TRDN: variants seen among roughly 807,000 people sequenced by gnomAD.
TRDN encodes triadin.
A neutral mutation model predicts 149.7 loss-of-function variants in TRDN; 161 were observed. The ratio of observed to expected loss-of-function variants is 1.08; its 90% CI spans 0.95 to 1.23. The LOEUF (loss-of-function observed/expected upper bound fraction) is 1.23. Ranked by LOEUF, TRDN falls within the 50% of genes most tolerant of loss-of-function variation. The probability of loss-of-function intolerance (pLI) is 0.00; values close to 1 mark genes in which losing one functional copy is unlikely to be tolerated. For missense variants in TRDN, 896 were observed against 823.5 expected, an observed-to-expected ratio of 1.09 and a Z score of -1.08; for synonymous variants, 294 against 250.5, an observed-to-expected ratio of 1.17 and a Z score of -1.64.
intron 24 of TRDN, among the ~76,000 whole-genome samples, chr6:123,292,107 T>C (rs1778031082): frequency 6.6e-6 from 1 of 152,198 alleles, no homozygotes; most frequent in Non-Finnish European, 1.5e-5. Context: ...CTTCGGCCCA[T>C]GGATCTTGAT....
At chr6:123,507,897 A>C (rs1779001131) in intron 7 of TRDN, among the ~76,000 whole-genome samples, 1 of 152,124 alleles carries the variant, frequency 6.6e-6, no homozygotes, top group African/African-American at 2.4e-5. Context: ...AACATACTAC[A>C]CATGTTGGGA....
At position 123,529,308 on chromosome 6, in the gene TRDN, A is replaced by G. The variant is rs1471222654; in HGVS notation, c.484+1198T>C. Reference sequence around the variant, plus strand: ...GTGTCCAACTTCTGTGATCAAAGGAATTAAGAACCGAAAAAAGGAAAGAGA... The same window carrying G: ...GTGTCCAACTTCTGTGATCAAAGGAGTTAAGAACCGAAAAAAGGAAAGAGA... On this transcript the variant is annotated intron_variant, in intron 5 of 40. Coordinates refer to ENST00000334268, the MANE Select transcript of TRDN (RefSeq NM_006073.4). The G allele has an allele frequency of 1.9e-6, 3 of 1,548,818 alleles. No homozygotes were observed. In the South Asian group the frequency reaches 3.6e-5, roughly 18 times the overall value.
chr6:123,508,405 GAACC>G (rs1302680952), intron 7 of TRDN, among the ~76,000 whole-genome samples: 7 of 152,080 alleles, frequency 4.6e-5, no homozygotes, highest in African/African-American at 1.7e-4. Context: ...AAATATACAT[GAACC>G]ATGTGAAAGC....
chr6:123,414,396 T>G (rs1773566210), intron 12 of TRDN, among the ~76,000 whole-genome samples: 1 of 152,122 alleles, frequency 6.6e-6, no homozygotes, highest in Non-Finnish European at 1.5e-5. Context: ...TGCCATGATA[T>G]TCTGAGATTC....
intron 1 of TRDN, among the ~76,000 whole-genome samples, chr6:123,571,541 A>G (rs1186659849): frequency 1.3e-5 from 2 of 152,140 alleles, no homozygotes; most frequent in Non-Finnish European, 2.9e-5. Context: ...CAGAAGATCT[A>G]AGATAATGAT....
intron 33 of TRDN, 73 bp downstream of exon 33, chr6:123,265,245 T>C: frequency 8.6e-7 from 1 of 1,161,494 alleles, no homozygotes; most frequent in Non-Finnish European, 1.2e-6. Flanking sequence ...TAACTTCAGT[T>C]ATAACTCAAA....
At chr6:123,266,181 AT>A (rs1376576119) in intron 32 of TRDN, among the ~76,000 whole-genome samples, 6 of 88,666 alleles carry the variant, frequency 6.8e-5, no homozygotes. Context: ...TATATATTAT[AT>A]ATATTATAAT....
At chr6:123,237,484 A>T (rs1225235304) in intron 38 of TRDN, among the ~76,000 whole-genome samples, 1 of 152,064 alleles carries the variant, frequency 6.6e-6, no homozygotes, top group African/African-American at 2.4e-5. Flanking sequence ...TCCTGACCTC[A>T]TGAACTGCCC....
intron 38 of TRDN, among the ~76,000 whole-genome samples, chr6:123,227,465 C>T (rs949152004): frequency 6.6e-6 from 1 of 151,804 alleles, no homozygotes; most frequent in Non-Finnish European, 1.5e-5. Flanking sequence ...ATGGGTTGAA[C>T]TGTGGTGCTA....
At chr6:123,306,218 C>G (rs1185358012) in intron 24 of TRDN, among the ~76,000 whole-genome samples, 1 of 152,110 alleles carries the variant, frequency 6.6e-6, no homozygotes, top group Non-Finnish European at 1.5e-5. Context: ...CCAGCCAAAT[C>G]TGCCCTGAGA....
At chr6:123,394,241 C>G (rs763803846) in intron 12 of TRDN, among the ~76,000 whole-genome samples, 12 of 151,808 alleles carry the variant, frequency 7.9e-5, no homozygotes, top group Non-Finnish European at 1.6e-4. Context: ...CCCTCTTGTT[C>G]TAAGTTTTTT....
chr6:123,506,062 T>A (rs976258053), intron 7 of TRDN, among the ~76,000 whole-genome samples: 2 of 152,216 alleles, frequency 1.3e-5, no homozygotes, highest in Admixed American at 1.3e-4. Flanking sequence ...CGGATGACTT[T>A]AAATTGAAAT....
At chr6:123,486,253 C>CTT (rs574124381) in intron 9 of TRDN, among the ~76,000 whole-genome samples, 6 of 141,962 alleles carry the variant, frequency 4.2e-5, no homozygotes, top group Admixed American at 7.1e-5. Context: ...GGTGTAACTT[C>CTT]TTTTTTTTTT....
At chr6:123,366,955 A>G (rs1305065770) in intron 19 of TRDN, among the ~76,000 whole-genome samples, 1 of 152,244 alleles carries the variant, frequency 6.6e-6, no homozygotes, top group African/African-American at 2.4e-5. Context: ...TTTGACCTCA[A>G]TGAATTAGTT....
intron 21 of TRDN, among the ~76,000 whole-genome samples, chr6:123,343,277 A>T (rs1780130742): frequency 6.6e-6 from 1 of 151,970 alleles, no homozygotes; most frequent in Non-Finnish European, 1.5e-5. Flanking sequence ...ATAACTTCTG[A>T]TTATCCATTC....
At chr6:123,478,606 G>C (rs965334241) in intron 9 of TRDN, among the ~76,000 whole-genome samples, 2 of 152,070 alleles carry the variant, frequency 1.3e-5, no homozygotes, top group Non-Finnish European at 2.9e-5. Flanking sequence ...GACCAAAGCT[G>C]ATAGGGAAAG....
chr6:123,572,767 A>G (rs529438057), intron 1 of TRDN, among the ~76,000 whole-genome samples: 131 of 152,268 alleles, frequency 8.6e-4, no homozygotes, highest in Admixed American at 2.6e-3. Context: ...TTTAAGAATT[A>G]CATGCCAAGA....
chr6:123,514,239 T>A (rs1352193154), intron 6 of TRDN, among the ~76,000 whole-genome samples: 1 of 151,870 alleles, frequency 6.6e-6, no homozygotes, highest in African/African-American at 2.4e-5. Context: ...GTGGCACATG[T>A]CTGTAGTTCT....
chr6:123,412,110 T>C (rs1245520481), intron 12 of TRDN, among the ~76,000 whole-genome samples: 1 of 152,230 alleles, frequency 6.6e-6, no homozygotes, highest in Non-Finnish European at 1.5e-5. Flanking sequence ...TATAACGCAG[T>C]ACTATTTTTA....
Sources: gnomAD v4.1 joint callset for allele counts (sites outside exome capture counted in the v4.1 genomes callset) on GRCh38, gnomAD v4.1.1 for gene constraint, MANE v1.5 for transcripts, NCBI Gene and HGNC (gene_info 2026-07-23, HGNC 2026-07-21) for gene names.